CSMD2: variants seen among roughly 807,000 people sequenced by gnomAD.
CSMD2 encodes CUB and Sushi multiple domains 2.
Under a neutral mutation model 398.5 loss-of-function variants are expected in CSMD2, and 130 were observed. The observed-to-expected ratio is 0.33, with a 90% CI of 0.28 to 0.38. The LOEUF (loss-of-function observed/expected upper bound fraction) is 0.38, where lower values mean the gene tolerates loss of function less well. CSMD2 is among the 10% of genes least tolerant of loss of function. The probability of loss-of-function intolerance (pLI) is 1.00; values close to 1 mark genes in which losing one functional copy is unlikely to be tolerated. For synonymous variants in CSMD2, 1,828 were observed against 1,908.5 expected (o/e 0.96, Z 1.10); for missense variants, 3,829 against 4,764.9 (o/e 0.80, Z 5.78).
intron 25 of CSMD2, among the ~76,000 whole-genome samples, chr1:33,670,370 C>T (rs1644455765): frequency 1.3e-5 from 2 of 152,330 alleles, no homozygotes; most frequent in African/African-American, 4.8e-5. Context: ...GAATGGCTCA[C>T]CAGCTTTCAG....
chr1:33,887,306 C>T (rs767176596), intron 5 of CSMD2, among the ~76,000 whole-genome samples: 2 of 150,498 alleles, frequency 1.3e-5, no homozygotes, highest in African/African-American at 4.9e-5. Context: ...ACATAAACAA[C>T]GAGGAACAGC....
intron 13 of CSMD2, among the ~76,000 whole-genome samples, chr1:33,757,309 A>AT (rs998185535): frequency 6.6e-6 from 1 of 151,510 alleles, no homozygotes; most frequent in Non-Finnish European, 1.5e-5. Flanking sequence ...AAGTATAATA[A>AT]TAAAAAAAAA....
chr1:34,029,883 C>T (rs779683062), intron 3 of CSMD2, among the ~76,000 whole-genome samples: 8 of 152,334 alleles, frequency 5.3e-5, no homozygotes, highest in Non-Finnish European at 7.3e-5. Flanking sequence ...GTGAAATAGG[C>T]TGTTCCTTCT....
chr1:33,833,925 T>C, intron 6 of CSMD2, among the ~76,000 whole-genome samples: 1 of 150,474 alleles, frequency 6.6e-6, no homozygotes, highest in South Asian at 2.1e-4. Context: ...ATAAAATACC[T>C]AGGAATCCAA....
At chr1:33,659,381 G>C (rs1210418745) in intron 26 of CSMD2, among the ~76,000 whole-genome samples, 1 of 152,192 alleles carries the variant, frequency 6.6e-6, no homozygotes, top group Non-Finnish European at 1.5e-5. Flanking sequence ...TGACAGCGGG[G>C]CCCGGTCCCA....
rs759551667 is a variant in CSMD2 at position 33,624,661 on chromosome 1, C to A, written c.5501-18G>T. The A allele has an allele frequency of 6.2e-7, 1 of 1,607,978 alleles. No homozygotes were observed. The highest frequency in any genetic ancestry group is 8.5e-7 in the Non-Finnish European group (1 of 1,175,628). Reference sequence around the variant, plus strand: ...ACACGGCACTGGGAGGAGAGGCCATCGGGTCAGAGGCTTTGTGGCCTCCCG... The same window carrying A: ...ACACGGCACTGGGAGGAGAGGCCATAGGGTCAGAGGCTTTGTGGCCTCCCG... On this transcript the variant is annotated intron_variant, in intron 34 of 70. Coordinates refer to ENST00000373381, the MANE Select transcript of CSMD2 (RefSeq NM_001281956.2). This position sits in a 1 kb window ranked among gnomAD's most constrained non-coding sequence, Gnocchi z 4.7.
intron 5 of CSMD2, among the ~76,000 whole-genome samples, chr1:33,852,209 C>T (rs1217292047): frequency 6.6e-6 from 1 of 152,166 alleles, no homozygotes; most frequent in Non-Finnish European, 1.5e-5. Flanking sequence ...CATTTCATGT[C>T]CTCATCGTTT....
At chr1:33,536,380 T>C (rs1024317520) in intron 62 of CSMD2, among the ~76,000 whole-genome samples, 1 of 152,150 alleles carries the variant, frequency 6.6e-6, no homozygotes, top group African/African-American at 2.4e-5. Flanking sequence ...CCCGCCACCA[T>C]GCCCGGCTAA....
intron 2 of CSMD2, among the ~76,000 whole-genome samples, chr1:34,054,451 G>A (rs904871000): frequency 6.6e-6 from 1 of 152,174 alleles, no homozygotes; most frequent in Admixed American, 6.5e-5. Flanking sequence ...GCCAGGTGCG[G>A]TGGCTCATGC....
intron 19 of CSMD2, among the ~76,000 whole-genome samples, chr1:33,723,534 A>T (rs1434237851): frequency 1.3e-5 from 2 of 152,208 alleles, no homozygotes; most frequent in East Asian, 1.9e-4. Context: ...ATTAATTAAC[A>T]TTTATTTATA....
rs1216965104 is a variant in CSMD2 at position 33,557,920 on chromosome 1, T to C, written c.8557A>G (p.Ile2853Val). Reference protein sequence around the residue: ...WSDMLPTCRIINCTDPGHQEN... With the variant: ...WSDMLPTCRIVNCTDPGHQEN... ...TGGTGTCCAGGATCTGTACAGTTGA[T>C]GACTGCAATTGAACAGAAGTCCAAA... is the stretch of plus-strand genomic sequence containing the variant. Residue 2853 changes from isoleucine (I) to valine (V), a missense_variant and splice_region_variant, in exon 55 of 71, where the codon ATC (isoleucine) becomes GTC (valine). Ile to Val is a conservative substitution (Grantham distance 29, BLOSUM62 3). This residue lies in a region of CSMD2 where 917 missense variants were observed against 1,199.5 expected (regional missense o/e 0.76). Transcript: ENST00000373381. 1.3e-6 allele frequency: 2 copies of C among 1,532,478 alleles called. No individual in the cohort carries two copies. The highest frequency in any genetic ancestry group is 1.7e-6 in the Non-Finnish European group (2 of 1,143,876). The allele number at this position is 1,532,478 out of a possible 1,614,324, so 94.9% of individuals were successfully genotyped here. A position where few individuals can be genotyped will look rare whatever the true frequency, so the allele number is the denominator to read the frequency against.
At chr1:33,898,896 C>G (rs1167819866) in intron 5 of CSMD2, among the ~76,000 whole-genome samples, 3 of 152,184 alleles carry the variant, frequency 2.0e-5, no homozygotes, top group Non-Finnish European at 4.4e-5. Flanking sequence ...TGGAGCTTGA[C>G]AGATTCCAAT....
At chr1:33,740,848 C>T (rs1467820782) in intron 14 of CSMD2, among the ~76,000 whole-genome samples, 1 of 152,194 alleles carries the variant, frequency 6.6e-6, no homozygotes, top group East Asian at 1.9e-4. Flanking sequence ...CATGCGCACA[C>T]ACACAAGCGC....
intron 12 of CSMD2, among the ~76,000 whole-genome samples, chr1:33,778,612 A>G (rs1262018798): frequency 2.6e-5 from 4 of 152,096 alleles, no homozygotes; most frequent in Non-Finnish European, 5.9e-5. Context: ...GAATACTCTG[A>G]GCTTAGCAAA....
chr1:34,125,458 CAGGT>C (rs1324840194), intron 1 of CSMD2, among the ~76,000 whole-genome samples: 7 of 151,992 alleles, frequency 4.6e-5, no homozygotes, highest in Non-Finnish European at 1.0e-4. Context: ...AGGGCACACA[CAGGT>C]AGGCCATGCA....
At chr1:33,944,776 G>A (rs151130500) in intron 3 of CSMD2, among the ~76,000 whole-genome samples, 4 of 152,202 alleles carry the variant, frequency 2.6e-5, no homozygotes, top group South Asian at 2.1e-4. Flanking sequence ...ACTCTTACCC[G>A]GGGCTACAAT....
rs762219586 is a variant in CSMD2, at chr1:34,159,329, C to CG, written c.187+5581_187+5582insC. Among the ~76,000 whole-genome samples the CG allele has an allele frequency of 9.1e-5, 5 of 54,836 alleles. No individual in the cohort carries two copies. The East Asian group carries it at 2.1e-3, about 23-fold the overall frequency. The allele number at this position is 54,836 out of a possible 152,430, so 36.0% of individuals were successfully genotyped here. ...AAACCAAGAATGACTTTACAGCCTG[C>CG]CCCCCCCCCACCCAGGAGCTTGTGG... is the stretch of plus-strand genomic sequence containing the variant. On this transcript the variant is annotated intron_variant, in intron 1 of 70. Coordinates refer to ENST00000373381, the MANE Select transcript of CSMD2 (RefSeq NM_001281956.2).
intron 5 of CSMD2, among the ~76,000 whole-genome samples, chr1:33,909,488 C>G (rs1643324779): frequency 6.6e-6 from 1 of 152,160 alleles, no homozygotes; most frequent in South Asian, 2.1e-4. Context: ...TCAGTCTCCC[C>G]CAAATAGACC....
intron 3 of CSMD2, among the ~76,000 whole-genome samples, chr1:33,983,875 G>A (rs952277726): frequency 3.9e-5 from 6 of 152,152 alleles, no homozygotes; most frequent in Non-Finnish European, 5.9e-5. Flanking sequence ...GACATAGGCC[G>A]GGTGCAGTGG....
Sources: allele counts gnomAD v4.1 joint callset (sites outside exome capture counted in the v4.1 genomes callset), GRCh38; gene constraint gnomAD v4.1.1; regional missense constraint gnomAD v4.1.1; non-coding constraint Gnocchi (gnomAD v3.1); transcripts MANE v1.5; gene names NCBI Gene and HGNC (gene_info 2026-07-23, HGNC 2026-07-21).